The following SEMA3A variants were observed in gnomAD, a reference collection of about 807,000 sequenced individuals.
SEMA3A encodes semaphorin-3A.
SEMA3A carries 29 observed loss-of-function variants against 97.9 expected under a neutral mutation model. The ratio of observed to expected loss-of-function variants is 0.30; its 90% CI spans 0.22 to 0.40. The LOEUF (loss-of-function observed/expected upper bound fraction) is 0.40, where lower values mean the gene tolerates loss of function less well. Among genes scored for constraint, SEMA3A ranks in the 10% least tolerant of loss-of-function variants. The pLI is 1.00. For synonymous variants in SEMA3A, 321 were observed against 323.7 expected (o/e 0.99, Z 0.09); for missense variants, 763 against 951.3 (o/e 0.80, Z 2.60).
chr7:84,142,416 T>C (rs1403437048), intron 1 of SEMA3A, among the ~76,000 whole-genome samples: 1 of 152,154 alleles, frequency 6.6e-6, no homozygotes, highest in Non-Finnish European at 1.5e-5. Context: ...CCCATTTTTT[T>C]CTCATGAGGA....
intron 1 of SEMA3A, among the ~76,000 whole-genome samples, chr7:84,391,410 T>A (rs898314252): frequency 2.1e-4 from 32 of 152,214 alleles, no homozygotes; most frequent in African/African-American, 7.7e-4. Flanking sequence ...AGAGGGATGC[T>A]AACACGGTGG....
At chr7:84,053,160 G>A (rs923076743) in intron 5 of SEMA3A, among the ~76,000 whole-genome samples, 2 of 126,172 alleles carry the variant, frequency 1.6e-5, no homozygotes, top group African/African-American at 5.2e-5. Context: ...GAATAGATGT[G>A]GTGTGGTGCC....
At chr7:84,151,004 C>T (rs6950904) in intron 1 of SEMA3A, among the ~76,000 whole-genome samples, 42,157 of 137,958 alleles carry the variant, frequency 0.31, 7,045 homozygotes, top group African/African-American at 0.31. Flanking sequence ...CTGCAGGGTA[C>T]TCCAACAGAC....
intron 1 of SEMA3A, among the ~76,000 whole-genome samples, chr7:84,433,831 AT>A (rs1805050454): frequency 6.6e-6 from 1 of 152,162 alleles, no homozygotes; most frequent in Non-Finnish European, 1.5e-5. Context: ...ATGAGCAGTG[AT>A]TATCAGCTTT....
chr7:84,426,385 G>A (rs1804830840), intron 1 of SEMA3A, among the ~76,000 whole-genome samples: 1 of 152,014 alleles, frequency 6.6e-6, no homozygotes, highest in Non-Finnish European at 1.5e-5. Flanking sequence ...CAGGTTCTAA[G>A]TATTTGTTGA....
At chr7:84,013,189 T>C (rs768133803) in intron 7 of SEMA3A, among the ~76,000 whole-genome samples, 8 of 152,160 alleles carry the variant, frequency 5.3e-5, no homozygotes, top group Non-Finnish European at 7.4e-5. Context: ...GAAGGGTGCT[T>C]TAATATGTAC....
intron 3 of SEMA3A, among the ~76,000 whole-genome samples, chr7:84,201,428 A>C (rs1798353838): frequency 6.6e-6 from 1 of 152,086 alleles, no homozygotes; most frequent in African/African-American, 2.4e-5. Flanking sequence ...ATAGTTAGAA[A>C]AAAAATGACT....
intron 1 of SEMA3A, among the ~76,000 whole-genome samples, chr7:84,427,448 A>T (rs1254199440): frequency 6.6e-6 from 1 of 151,742 alleles, no homozygotes; most frequent in African/African-American, 2.4e-5. Context: ...GGAGTTTGAG[A>T]CCAGCCTGGC....
intron 3 of SEMA3A, among the ~76,000 whole-genome samples, chr7:84,302,660 G>A (rs993189575): frequency 2.6e-5 from 4 of 151,948 alleles, no homozygotes; most frequent in African/African-American, 7.3e-5. Flanking sequence ...TTTTGTTCAC[G>A]AAAACAAAAA....
intron 4 of SEMA3A, among the ~76,000 whole-genome samples, chr7:84,109,534 G>T (rs1367161311): frequency 6.6e-6 from 1 of 152,104 alleles, no homozygotes; most frequent in African/African-American, 2.4e-5. Flanking sequence ...TAATTCATTT[G>T]GGTCAAAAGA....
chr7:84,390,120 T>G (rs1432399797), intron 1 of SEMA3A, among the ~76,000 whole-genome samples: 1 of 152,036 alleles, frequency 6.6e-6, no homozygotes, highest in Non-Finnish European at 1.5e-5. Flanking sequence ...ATCCTCTGCA[T>G]AAAGTAAAAA....
intron 6 of SEMA3A, among the ~76,000 whole-genome samples, chr7:84,041,714 T>C (rs1792139626): frequency 6.6e-6 from 1 of 152,054 alleles, no homozygotes; most frequent in Non-Finnish European, 1.5e-5. Context: ...AAGAGGACCT[T>C]TGTTGTTGCT....
chr7:84,240,808 A>C (rs963795447), intron 3 of SEMA3A, among the ~76,000 whole-genome samples: 1 of 152,048 alleles, frequency 6.6e-6, no homozygotes, highest in African/African-American at 2.4e-5. Flanking sequence ...CCCTGGGTCC[A>C]TGTGTTCTCA....
chr7:84,167,500 G>GTATTCAAAAA (rs1562826856), intron 1 of SEMA3A, among the ~76,000 whole-genome samples: 13 of 152,198 alleles, frequency 8.5e-5, no homozygotes, highest in African/African-American at 2.9e-4. Flanking sequence ...GAATCTCTTA[G>GTATTCAAAAA]GGATTTTGAA....
chr7:84,127,004 TAGA>T (rs1584004590), intron 3 of SEMA3A, among the ~76,000 whole-genome samples: 1 of 152,200 alleles, frequency 6.6e-6, no homozygotes, highest in Non-Finnish European at 1.5e-5. Flanking sequence ...TAAAATTTGA[TAGA>T]AGAACACACT....
At chr7:84,478,448 C>T (rs1806359068) in intron 1 of SEMA3A, among the ~76,000 whole-genome samples, 1 of 151,966 alleles carries the variant, frequency 6.6e-6, no homozygotes, top group Non-Finnish European at 1.5e-5. Context: ...TTACTCAATT[C>T]ATGCTTAGTA....
At chr7:84,386,422 C>A (rs972491717) in intron 1 of SEMA3A, among the ~76,000 whole-genome samples, 4 of 152,076 alleles carry the variant, frequency 2.6e-5, no homozygotes, top group Non-Finnish European at 5.9e-5. Flanking sequence ...AAAAATGGTG[C>A]CTGAGATTTC....
chr7:84,041,584 T>G (rs930171834), intron 6 of SEMA3A, among the ~76,000 whole-genome samples: 1 of 152,160 alleles, frequency 6.6e-6, no homozygotes, highest in Non-Finnish European at 1.5e-5. Flanking sequence ...TTCTGTGACT[T>G]TATACATTGA....
At chr7:84,421,174 T>A (rs1404867439) in intron 1 of SEMA3A, among the ~76,000 whole-genome samples, 1 of 152,022 alleles carries the variant, frequency 6.6e-6, no homozygotes, top group East Asian at 1.9e-4. Flanking sequence ...AAAAAAATCA[T>A]TAAGCTGATA....
Sources: allele counts gnomAD v4.1 joint callset (sites outside exome capture counted in the v4.1 genomes callset), GRCh38; gene constraint gnomAD v4.1.1; transcripts MANE v1.5; gene names NCBI Gene and HGNC (gene_info 2026-07-23, HGNC 2026-07-21).